TMEFF2: variants seen among roughly 807,000 people sequenced by gnomAD.
The protein encoded by TMEFF2 is tomoregulin-2.
In TMEFF2, 28 loss-of-function variants were observed where a neutral mutation model predicts 53.8. The observed-to-expected ratio is 0.52, with a 90% CI of 0.39 to 0.71. TMEFF2 has a LOEUF of 0.71. Among genes scored for constraint, TMEFF2 ranks in the 30% least tolerant of loss-of-function variants. The pLI is 0.00. For missense variants in TMEFF2, 353 were observed against 455.2 expected, an observed-to-expected ratio of 0.78 and a Z score of 2.04; for synonymous variants, 162 against 166.3, an observed-to-expected ratio of 0.97 and a Z score of 0.20.
At chr2:192,102,664 T>A (rs1238801198) in intron 4 of TMEFF2, among the ~76,000 whole-genome samples, 1 of 139,166 alleles carries the variant, frequency 7.2e-6, no homozygotes, top group Non-Finnish European at 1.5e-5. Flanking sequence ...AGTCTTGCTC[T>A]GTCACCCAAG....
In TMEFF2 at chr2:192,072,563, C is replaced by T. The variant is rs778050717; in HGVS notation, c.440-14788G>A. Among the ~76,000 whole-genome samples, 17 of 99,504 alleles carry T rather than the reference C, an allele frequency of 1.7e-4. No homozygotes were observed. The East Asian group carries it at 2.5e-3, about 14-fold the overall frequency. 65.3% of individuals were successfully genotyped at this position (99,504 alleles called of 152,430 possible). ...CTGCTTAGATTTCTTCATGCATATT[C>T]GTATTTTTAGATTAGATAAAATGAA... is the stretch of plus-strand genomic sequence containing the variant. On this transcript the variant is annotated intron_variant, in intron 4 of 9. Transcript: ENST00000272771.
At chr2:192,132,372 C>T (rs1178227100) in intron 4 of TMEFF2, among the ~76,000 whole-genome samples, 2 of 152,130 alleles carry the variant, frequency 1.3e-5, no homozygotes, top group African/African-American at 4.8e-5. Flanking sequence ...CAGTTCATGG[C>T]TCGTTCGGCA....
chr2:192,141,831 G>A (rs1480414816), intron 4 of TMEFF2, among the ~76,000 whole-genome samples: 2 of 152,126 alleles, frequency 1.3e-5, no homozygotes, highest in Non-Finnish European at 2.9e-5. Context: ...AACAACTAAG[G>A]ATATTTGTAT....
At chr2:192,111,697 G>A (rs1689279275) in intron 4 of TMEFF2, among the ~76,000 whole-genome samples, 1 of 152,156 alleles carries the variant, frequency 6.6e-6, no homozygotes, top group African/African-American at 2.4e-5. Flanking sequence ...TGTCTCCAGG[G>A]GATTTCACAG....
At chr2:192,129,957 CTTAAT>C (rs1026301614) in intron 4 of TMEFF2, among the ~76,000 whole-genome samples, 18 of 152,294 alleles carry the variant, frequency 1.2e-4, no homozygotes, top group African/African-American at 3.4e-4. Flanking sequence ...GGTCACTTAG[CTTAAT>C]TTAACTGCAA....
intron 5 of TMEFF2, among the ~76,000 whole-genome samples, chr2:192,026,737 G>C (rs958142524): frequency 2.0e-5 from 3 of 152,186 alleles, no homozygotes; most frequent in Admixed American, 6.5e-5. Flanking sequence ...CATTATAAAA[G>C]ACCCTTGAAA....
chr2:192,170,616 A>AT (rs1239867020), intron 4 of TMEFF2, among the ~76,000 whole-genome samples: 1 of 152,086 alleles, frequency 6.6e-6, no homozygotes, highest in Non-Finnish European at 1.5e-5. Flanking sequence ...GTTCAACTTT[A>AT]TAGGAAATAT....
At chr2:192,007,870 G>A (rs1222363846) in intron 5 of TMEFF2, among the ~76,000 whole-genome samples, 1 of 152,158 alleles carries the variant, frequency 6.6e-6, no homozygotes. Flanking sequence ...AGGGTTTGGT[G>A]GCTCGCTACT....
At chr2:192,166,439 AT>A (rs538217295) in intron 4 of TMEFF2, among the ~76,000 whole-genome samples, 57 of 152,282 alleles carry the variant, frequency 3.7e-4, no homozygotes, top group African/African-American at 1.2e-3. Context: ...CTTTTTAGGG[AT>A]TTTTCTTACA....
intron 4 of TMEFF2, among the ~76,000 whole-genome samples, chr2:192,154,500 GA>G (rs1013426715): frequency 2.6e-5 from 4 of 151,912 alleles, no homozygotes; most frequent in African/African-American, 9.7e-5. Flanking sequence ...CTTCTATTTA[GA>G]AACTACTTTG....
intron 5 of TMEFF2, among the ~76,000 whole-genome samples, chr2:192,014,815 A>G (rs1686709440): frequency 6.6e-6 from 1 of 152,224 alleles, no homozygotes; most frequent in Non-Finnish European, 1.5e-5. Flanking sequence ...AGGTAGAACA[A>G]GAGGAAAAAT....
intron 3 of TMEFF2, among the ~76,000 whole-genome samples, chr2:192,181,434 A>G (rs1471211156): frequency 1.3e-5 from 2 of 151,762 alleles, no homozygotes; most frequent in African/African-American, 4.8e-5. Context: ...ATCACTCTAC[A>G]CTTATATGAA....
chr2:191,958,811 A>G (rs1018651249), intron 7 of TMEFF2, among the ~76,000 whole-genome samples: 1 of 152,222 alleles, frequency 6.6e-6, no homozygotes, highest in African/African-American at 2.4e-5. Flanking sequence ...AAATTAGTAG[A>G]AGAAATGATC....
intron 7 of TMEFF2, among the ~76,000 whole-genome samples, chr2:191,964,314 TC>T (rs1423606566): frequency 4.9e-5 from 7 of 141,818 alleles, no homozygotes; most frequent in African/African-American, 1.4e-4. Flanking sequence ...CTTCTTTCTT[TC>T]CTTCCTTCCT....
chr2:192,112,244 G>A (rs1689298680), intron 4 of TMEFF2, among the ~76,000 whole-genome samples: 1 of 152,188 alleles, frequency 6.6e-6, no homozygotes, highest in South Asian at 2.1e-4. Context: ...GCAGCCAAGA[G>A]GGAGGCTGTC....
At chr2:192,127,457 C>A (rs1689704219) in intron 4 of TMEFF2, among the ~76,000 whole-genome samples, 1 of 152,080 alleles carries the variant, frequency 6.6e-6, no homozygotes, top group Non-Finnish European at 1.5e-5. Context: ...TCTCTAAATC[C>A]AAAATGTAAA....
chr2:192,107,474 A>G (rs1466228899), intron 4 of TMEFF2, among the ~76,000 whole-genome samples: 1 of 151,782 alleles, frequency 6.6e-6, no homozygotes, highest in Non-Finnish European at 1.5e-5. Context: ...ATATCTTACC[A>G]TGAACGTCAG....
At chr2:192,015,308 CTTTTTTTTTTT>C (rs34696715) in intron 5 of TMEFF2, among the ~76,000 whole-genome samples, 10 of 76,276 alleles carry the variant, frequency 1.3e-4, no homozygotes, top group Middle Eastern at 0.016. Context: ...ATCACTGAAG[CTTTTTTTTTTT>C]TTTTTTTTTT....
At chr2:191,972,308 C>CCTTT (rs1692669457) in intron 7 of TMEFF2, among the ~76,000 whole-genome samples, 14 of 72,828 alleles carry the variant, frequency 1.9e-4, no homozygotes, top group African/African-American at 8.4e-4. Context: ...TCATGCCCAG[C>CCTTT]TTTTTTTTTT....
Sources: gnomAD v4.1 joint callset for allele counts (sites outside exome capture counted in the v4.1 genomes callset) on GRCh38, gnomAD v4.1.1 for gene constraint, MANE v1.5 for transcripts, NCBI Gene and HGNC (gene_info 2026-07-23, HGNC 2026-07-21) for gene names.